Variants in BRCA2 observed in about 807,000 individuals in gnomAD.
BRCA2 encodes BRCA2 DNA repair associated.
In BRCA2, 203 loss-of-function variants were observed where a neutral mutation model predicts 276.7. The ratio of observed to expected loss-of-function variants is 0.73; its 90% CI spans 0.65 to 0.82. The LOEUF (loss-of-function observed/expected upper bound fraction) is 0.82. BRCA2 is among the 40% of genes least tolerant of loss of function. The pLI, the probability that BRCA2 is intolerant of heterozygous loss-of-function variation, is 0.00. For missense variants in BRCA2, 3,920 were observed against 3,915.0 expected (o/e 1.00, Z -0.03); for synonymous variants, 1,289 against 1,338.4 (o/e 0.96, Z 0.81).
intron 24 of BRCA2, among the ~76,000 whole-genome samples, chr13:32,383,638 G>C (rs1159552529): frequency 2.6e-5 from 4 of 152,164 alleles, no homozygotes; most frequent in Non-Finnish European, 4.4e-5. Context: ...GAATTTGGGG[G>C]TATATGCAAA....
rs530030882 is a variant in BRCA2, at chr13:32,349,062, A to G, written c.7007+2166A>G. ...CATGGTAAAATCCCATCTCTACTGA[A>G]AATACAAAAATTAGCCAGGCGTGGT... is the stretch of plus-strand genomic sequence containing the variant. On this transcript the variant is annotated intron_variant, in intron 13 of 26. Coordinates refer to ENST00000380152, the MANE Select transcript of BRCA2 (RefSeq NM_000059.4). Among the ~76,000 whole-genome samples the G allele has an allele frequency of 2.6e-5, 4 of 152,096 alleles. No homozygotes were observed. The South Asian group carries it at 8.3e-4, about 32-fold the overall frequency.
At chr13:32,348,516 C>A (rs2072626240) in intron 13 of BRCA2, among the ~76,000 whole-genome samples, 1 of 152,108 alleles carries the variant, frequency 6.6e-6, no homozygotes, top group African/African-American at 2.4e-5. Context: ...ACAATGGAAT[C>A]TAGAAGACTG....
chr13:32,333,932 C>T (rs560952799), intron 10 of BRCA2, among the ~76,000 whole-genome samples: 53 of 152,260 alleles, frequency 3.5e-4, no homozygotes, highest in Non-Finnish European at 6.5e-4. Flanking sequence ...CCATCTGTGT[C>T]CCTGCAAAGG....
chr13:32,340,289 T>C lies in BRCA2; in HGVS notation c.5934T>C (p.Phe1978=), dbSNP rs758505680. The part of the protein sequence containing the change: ...SVSSANTCGI[F]STASGKSVQV... ...CATCTGCAAATACTTGTGGGATTTT[T>C]AGCACAGCAAGTGGAAAATCTGTCC... The change falls in exon 11 of 27, where the codon TTT becomes TTC. Residue 1978 remains phenylalanine, a synonymous_variant. Coordinates refer to ENST00000380152, the MANE Select transcript of BRCA2 (RefSeq NM_000059.4). 5 of 1,614,004 alleles carry C rather than the reference T, an allele frequency of 3.1e-6. No homozygotes were observed. The highest frequency in any genetic ancestry group is 2.5e-6 in the Non-Finnish European group (3 of 1,179,902).
At chr13:32,326,680 TTC>T (rs2072352492) in intron 7 of BRCA2, 67 bp downstream of exon 7, 2 of 1,213,030 alleles carry the variant, frequency 1.6e-6, no homozygotes, top group Non-Finnish European at 1.2e-6. Context: ...TCTCTAATAC[TTC>T]TGTTAAAAGG....
At chr13:32,361,545 C>T (rs9590938) in intron 16 of BRCA2, among the ~76,000 whole-genome samples, 1 of 152,038 alleles carries the variant, frequency 6.6e-6, no homozygotes, top group Non-Finnish European at 1.5e-5. Context: ...AAAACCGTTT[C>T]TTATGCTGAT....
intron 11 of BRCA2, among the ~76,000 whole-genome samples, chr13:32,343,301 T>TC (rs1319463568): frequency 6.6e-6 from 1 of 152,198 alleles, no homozygotes; most frequent in South Asian, 2.1e-4. Flanking sequence ...ATGCCAAAAC[T>TC]CCAACATTTC....
In BRCA2 at chr13:32,394,935, T is replaced by G; in HGVS notation, c.9501+2T>G. On this transcript the variant is annotated splice_donor_variant, in intron 25 of 26. Transcript: ENST00000380152. LOFTEE classifies it high-confidence loss of function. ...AACAAAATGAAAAATACTGTTGAGG[T>G]AAGGTTACTTTTCAGCATCACCACA... is the stretch of plus-strand genomic sequence containing the variant. 1 of 1,613,984 alleles carries G rather than the reference T, an allele frequency of 6.2e-7. No homozygotes were observed. The highest frequency in any genetic ancestry group is 8.5e-7 in the Non-Finnish European group (1 of 1,179,938).
At chr13:32,391,619 G>A (rs2072997755) in intron 24 of BRCA2, among the ~76,000 whole-genome samples, 1 of 152,232 alleles carries the variant, frequency 6.6e-6, no homozygotes, top group Admixed American at 6.5e-5. Context: ...TTTATAAATT[G>A]CTAAGTCCTT....
chr13:32,371,121 C>A (rs751990634), intron 20 of BRCA2, 21 bp downstream of exon 20: 20 of 1,608,842 alleles, frequency 1.2e-5, no homozygotes, highest in Middle Eastern at 1.7e-4. Context: ...TTATATGGTA[C>A]ACATTGTTAT....
rs1566233113 is a variant in BRCA2 at position 32,340,090 on chromosome 13, A to G, written c.5735A>G (p.Glu1912Gly). Reference protein sequence around the residue: ...DILHNSLDNDECSTHSHKVFA... With the variant: ...DILHNSLDNDGCSTHSHKVFA... Reference sequence around the variant, plus strand: ...CTTCATAACTCTCTAGATAATGATGAATGTAGCACGCATTCACATAAGGTT... The same window carrying G: ...CTTCATAACTCTCTAGATAATGATGGATGTAGCACGCATTCACATAAGGTT... The change falls in exon 11 of 27, where the codon GAA (glutamate) becomes GGA (glycine). Residue 1912 changes from glutamate to glycine, a missense_variant. This residue lies in a region of BRCA2 where 3,263 missense variants were observed against 3,156.9 expected (regional missense o/e 1.03). Coordinates refer to ENST00000380152, the MANE Select transcript of BRCA2 (RefSeq NM_000059.4). The G allele has an allele frequency of 6.2e-7, 1 of 1,613,930 alleles. No homozygotes were observed. The highest frequency in any genetic ancestry group is 1.1e-5 in the South Asian group (1 of 91,062).
At chr13:32,380,196 GT>G in intron 24 of BRCA2, 51 bp downstream of exon 24, 1 of 1,551,698 alleles carries the variant, frequency 6.4e-7, no homozygotes, top group Non-Finnish European at 8.7e-7. Flanking sequence ...AAAAAACATT[GT>G]CTTTTAAAAT....
intron 13 of BRCA2, among the ~76,000 whole-genome samples, chr13:32,353,479 G>C (rs1669502689): frequency 7.2e-6 from 1 of 138,986 alleles, no homozygotes; most frequent in African/African-American, 2.7e-5. Context: ...AAAAGCCCTT[G>C]TCATGGTGTA....
chr13:32,319,456 C>T (rs1163731838), intron 3 of BRCA2, 131 bp downstream of exon 3: 1 of 907,966 alleles, frequency 1.1e-6, no homozygotes, highest in East Asian at 2.6e-5. Flanking sequence ...TCTTTTTCCT[C>T]ACTCGAAAAA....
At chr13:32,378,362 T>C (rs940243844) in intron 21 of BRCA2, among the ~76,000 whole-genome samples, 1 of 152,228 alleles carries the variant, frequency 6.6e-6, no homozygotes, top group African/African-American at 2.4e-5. Flanking sequence ...GATTTGACTT[T>C]ATTAAAGTTA....
intron 11 of BRCA2, among the ~76,000 whole-genome samples, chr13:32,342,567 A>C (rs763920677): frequency 2.6e-5 from 4 of 152,210 alleles, no homozygotes; most frequent in Non-Finnish European, 5.9e-5. Flanking sequence ...AACATCATAG[A>C]GTATACTTAC....
chr13:32,347,497 C>CA (rs967291598), intron 13 of BRCA2, among the ~76,000 whole-genome samples: 2 of 152,172 alleles, frequency 1.3e-5, no homozygotes, highest in African/African-American at 4.8e-5. Flanking sequence ...TTTCCTCCCC[C>CA]ACTGCAAATA....
rs2137470775 is a variant in BRCA2 at position 32,332,851 on chromosome 13, C to G, written c.1373C>G (p.Pro458Arg). 1.2e-6 allele frequency: 2 copies of G among 1,611,794 alleles called. No individual in the cohort carries two copies. The highest frequency in any genetic ancestry group is 1.7e-6 in the Non-Finnish European group (2 of 1,179,510). The change falls in exon 10 of 27, where the codon CCA becomes CGA. Residue 458 changes from proline to arginine, a missense_variant. Pro to Arg is a moderately radical substitution (Grantham distance 103, BLOSUM62 -2). Around this residue, in one of 2 missense-constraint regions of BRCA2, gnomAD observed 3,263 missense variants for 3,156.9 expected, o/e 1.03. Transcript: ENST00000380152. ...TCTAGCCTACCAAAATCAGAGAAGCCATTAAATGAGGAAACAGTGGTAAAT... is the reference window on the plus strand; with the variant it reads ...TCTAGCCTACCAAAATCAGAGAAGCGATTAAATGAGGAAACAGTGGTAAAT... ...RISSLPKSEKPLNEETVVNKR... is the reference protein window; with the variant it reads ...RISSLPKSEKRLNEETVVNKR...
intron 24 of BRCA2, among the ~76,000 whole-genome samples, chr13:32,380,626 T>A (rs2072918510): frequency 6.7e-6 from 1 of 149,734 alleles, no homozygotes; most frequent in South Asian, 2.1e-4. Context: ...CTGCAAGTTC[T>A]GCCTCCCAGG....
Sources: gnomAD v4.1 joint callset for allele counts (sites outside exome capture counted in the v4.1 genomes callset) on GRCh38, gnomAD v4.1.1 for gene constraint, gnomAD v4.1.1 regional missense constraint, MANE v1.5 for transcripts, NCBI Gene and HGNC (gene_info 2026-07-23, HGNC 2026-07-21) for gene names.